The following GNPAT variants were observed in gnomAD, a reference collection of about 807,000 sequenced individuals.
The protein encoded by GNPAT is glyceronephosphate O-acyltransferase.
GNPAT carries 30 observed loss-of-function variants against 78.4 expected under a neutral mutation model. That is an observed-to-expected ratio of 0.38 (90% CI 0.29 to 0.52). The LOEUF (loss-of-function observed/expected upper bound fraction) is 0.52, where lower values mean the gene tolerates loss of function less well. Among genes scored for constraint, GNPAT ranks in the 20% least tolerant of loss-of-function variants. GNPAT has a pLI of 0.84. For missense variants in GNPAT, 714 were observed against 812.2 expected, an observed-to-expected ratio of 0.88 and a Z score of 1.47; for synonymous variants, 271 against 281.1, an observed-to-expected ratio of 0.96 and a Z score of 0.36.
intron 10 of GNPAT, 108 bp from the exon 11 acceptor site, chr1:231,272,204 G>T: frequency 1.4e-6 from 1 of 707,966 alleles, no homozygotes; most frequent in Non-Finnish European, 2.7e-6. Flanking sequence ...CCTGTTACAT[G>T]AATAAAATAT....
At chr1:231,248,375 T>TGAG (rs1201669627) in intron 1 of GNPAT, among the ~76,000 whole-genome samples, 1 of 152,026 alleles carries the variant, frequency 6.6e-6, no homozygotes. Context: ...TCGAGTAGGC[T>TGAG]GAGGAGGAGG....
intron 1 of GNPAT, 48 bp from the exon 2 acceptor site, chr1:231,250,913 T>C: frequency 2.5e-6 from 3 of 1,200,100 alleles, no homozygotes; most frequent in Non-Finnish European, 3.7e-6. Flanking sequence ...TAATCTGTCC[T>C]GATTTATTTT....
rs1205177970 is a variant in GNPAT at position 231,276,327 on chromosome 1, A to G, written c.1999+131A>G. The G allele has an allele frequency of 3.4e-5, 22 of 648,590 alleles. No individual in the cohort carries two copies. The East Asian group carries it at 5.9e-4, about 17-fold the overall frequency. 40.2% of individuals were successfully genotyped at this position (648,590 alleles called of 1,614,324 possible). A position where few individuals can be genotyped will look rare whatever the true frequency, so the allele number is the denominator to read the frequency against. ...TAGAGTTCTAACATAAAAGGGAATT[A>G]CTTATGCAGTCTGGAATTTTCTCAA... On this transcript the variant is annotated intron_variant, in intron 15 of 15. Coordinates refer to ENST00000366647, the MANE Select transcript of GNPAT (RefSeq NM_014236.4).
At chr1:231,245,147 C>T (rs1684714363) in intron 1 of GNPAT, among the ~76,000 whole-genome samples, 2 of 152,310 alleles carry the variant, frequency 1.3e-5, no homozygotes, top group Non-Finnish European at 2.9e-5. Flanking sequence ...AGAGGCCTTC[C>T]ACAACCATTG....
At chr1:231,276,679 G>T (rs545367761) in intron 15 of GNPAT, among the ~76,000 whole-genome samples, 2 of 152,320 alleles carry the variant, frequency 1.3e-5, no homozygotes, top group South Asian at 4.1e-4. Flanking sequence ...TATCAGCTAT[G>T]AAGAAATAGT....
At position 231,277,550 on chromosome 1, in the gene GNPAT, CAAAT is replaced by C; in HGVS notation, c.*10_*13del. 1 of 1,533,436 alleles carries C rather than the reference CAAAT, an allele frequency of 6.5e-7. No individual in the cohort carries two copies. Among genetic ancestry groups the C allele is most frequent in the Non-Finnish European group, 9.0e-7 (1 of 1,106,454 alleles). The allele number at this position is 1,533,436 out of a possible 1,614,324, so 95.0% of individuals were successfully genotyped here. A position where few individuals can be genotyped will look rare whatever the true frequency, so the allele number is the denominator to read the frequency against. ...GCCACTGCAAAACTTTAATAATCAA[CAAAT>C]AGTTATGGAAAATTCGGTCACGTAA... is the stretch of plus-strand genomic sequence containing the variant. On this transcript the variant is annotated 3_prime_UTR_variant, in exon 16 of 16. Transcript: ENST00000366647.
chr1:231,260,739 CAA>C (rs374321620), intron 3 of GNPAT, 56 bp downstream of exon 3: 42 of 864,902 alleles, frequency 4.9e-5, no homozygotes, highest in Admixed American at 7.6e-5. Flanking sequence ...TAAAATTAAA[CAA>C]AAAAAAAAAC....
chr1:231,265,676 A>G, intron 5 of GNPAT, 36 bp from the exon 6 acceptor site: 3 of 1,220,356 alleles, frequency 2.5e-6, no homozygotes, highest in Non-Finnish European at 3.7e-6. Flanking sequence ...GAGAGTAGGC[A>G]ATGGGTTTTG....
At chr1:231,267,007 C>G (rs567203485) in intron 8 of GNPAT, among the ~76,000 whole-genome samples, 3 of 152,324 alleles carry the variant, frequency 2.0e-5, no homozygotes, top group African/African-American at 7.2e-5. Context: ...TAGCAGTTTC[C>G]CAGCAGCTAC....
At chr1:231,265,631 T>G in intron 5 of GNPAT, 81 bp from the exon 6 acceptor site, 1 of 963,936 alleles carries the variant, frequency 1.0e-6, no homozygotes, top group South Asian at 1.3e-5. Context: ...GGAGGGAGCT[T>G]GGGAAAAGGA....
intron 2 of GNPAT, among the ~76,000 whole-genome samples, chr1:231,257,009 CTA>C (rs2102809001): frequency 6.6e-6 from 1 of 152,298 alleles, no homozygotes; most frequent in African/African-American, 2.4e-5. Flanking sequence ...AGTTATAAGA[CTA>C]TTGCTCATCT....
At position 231,265,761 on chromosome 1, in the gene GNPAT, C is replaced by A. The variant is rs1176167716; in HGVS notation, c.746C>A (p.Ser249Tyr). The change falls in exon 6 of 16, where the codon TCT (serine) becomes TAT (tyrosine). Residue 249 changes from serine to tyrosine, a missense_variant. Coordinates refer to ENST00000366647, the MANE Select transcript of GNPAT (RefSeq NM_014236.4). Reference protein sequence around the residue: ...EFFLEGTRSRSAKTLTPKFGL... With the variant: ...EFFLEGTRSRYAKTLTPKFGL... Reference sequence around the variant, plus strand: ...TTCCTCGAAGGGACAAGAAGCCGCTCTGCCAAGACATTGACTCCTAAATTT... The same window carrying A: ...TTCCTCGAAGGGACAAGAAGCCGCTATGCCAAGACATTGACTCCTAAATTT... 1 of 1,603,950 alleles carries A rather than the reference C, an allele frequency of 6.2e-7. No individual in the cohort carries two copies. Among genetic ancestry groups the A allele is most frequent in the Non-Finnish European group, 8.5e-7 (1 of 1,170,658 alleles).
chr1:231,256,590 C>G (rs1365607811), intron 2 of GNPAT, among the ~76,000 whole-genome samples: 1 of 149,156 alleles, frequency 6.7e-6, no homozygotes, highest in African/African-American at 2.5e-5. Context: ...AGGTTTGCAC[C>G]ATTCTCCTGC....
chr1:231,265,687 T>G, intron 5 of GNPAT, 25 bp from the exon 6 acceptor site: 1 of 1,397,638 alleles, frequency 7.2e-7, no homozygotes. Context: ...ATGGGTTTTG[T>G]GTTTTGTTTG....
chr1:231,251,248 G>C (rs1014360098), intron 2 of GNPAT, 105 bp downstream of exon 2: 7 of 687,286 alleles, frequency 1.0e-5, no homozygotes, highest in African/African-American at 5.4e-5. Context: ...AGGCTGAGCT[G>C]TATTCATCAC....
intron 3 of GNPAT, among the ~76,000 whole-genome samples, chr1:231,261,332 A>AT (rs111676811): frequency 2.1e-3 from 303 of 145,270 alleles, no homozygotes; most frequent in Middle Eastern, 3.6e-3. Context: ...TTTCATGCTA[A>AT]TTTTTTTTTT....
chr1:231,262,884 A>G (rs1685264262), intron 4 of GNPAT, 32 bp downstream of exon 4: 2 of 1,580,566 alleles, frequency 1.3e-6, no homozygotes, highest in African/African-American at 2.7e-5. Context: ...TTTTAACTGT[A>G]AAAATTAAAA....
intron 2 of GNPAT, among the ~76,000 whole-genome samples, chr1:231,253,352 G>T (rs188473267): frequency 6.6e-6 from 1 of 152,162 alleles, no homozygotes; most frequent in African/African-American, 2.4e-5. Context: ...TATTTGTTCT[G>T]CAACTTCCTC....
chr1:231,252,032 G>A (rs1020565444), intron 2 of GNPAT, among the ~76,000 whole-genome samples: 5 of 152,216 alleles, frequency 3.3e-5, no homozygotes, highest in Non-Finnish European at 5.9e-5. Flanking sequence ...TGTAAACCAT[G>A]TTGGATTGTA....
Sources: gnomAD v4.1 joint callset for allele counts (sites outside exome capture counted in the v4.1 genomes callset) on GRCh38, gnomAD v4.1.1 for gene constraint, MANE v1.5 for transcripts, NCBI Gene and HGNC (gene_info 2026-07-23, HGNC 2026-07-21) for gene names.